APBA1: variants seen among roughly 807,000 people sequenced by gnomAD.
APBA1 encodes amyloid beta precursor protein binding family A member 1.
In APBA1, 55 loss-of-function variants were observed where a neutral mutation model predicts 86.6. That is an observed-to-expected ratio of 0.64 (90% CI 0.51 to 0.80). The LOEUF is 0.80. APBA1 is among the 30% of genes least tolerant of loss of function. APBA1 has a pLI of 0.00. For synonymous variants in APBA1, 511 were observed against 493.9 expected (o/e 1.03, Z -0.46); for missense variants, 1,090 against 1,183.0 (o/e 0.92, Z 1.15).
intron 10 of APBA1, among the ~76,000 whole-genome samples, chr9:69,445,549 GCAGAA>G (rs886722936): frequency 5.3e-5 from 8 of 152,242 alleles, no homozygotes; most frequent in Non-Finnish European, 7.3e-5. Context: ...CAACGGGAGA[GCAGAA>G]CCATGATGCT....
intron 1 of APBA1, among the ~76,000 whole-genome samples, chr9:69,578,158 G>T (rs1389433625): frequency 1.3e-5 from 2 of 152,214 alleles, no homozygotes; most frequent in Non-Finnish European, 2.9e-5. Context: ...AGCTGTAGTG[G>T]CAAGGGAGCC....
intron 1 of APBA1, among the ~76,000 whole-genome samples, chr9:69,653,215 G>T (rs1823542774): frequency 6.6e-6 from 1 of 151,822 alleles, no homozygotes. Flanking sequence ...ACAAAAAAAA[G>T]GCCATTATAT....
At chr9:69,664,576 TGGAA>T (rs1373896739) in intron 1 of APBA1, among the ~76,000 whole-genome samples, 6 of 152,208 alleles carry the variant, frequency 3.9e-5, no homozygotes, top group Non-Finnish European at 8.8e-5. Flanking sequence ...AATGTGAGAA[TGGAA>T]GGATGTCATA....
At chr9:69,646,433 C>T (rs1478117226) in intron 1 of APBA1, among the ~76,000 whole-genome samples, 5 of 152,166 alleles carry the variant, frequency 3.3e-5, no homozygotes, top group African/African-American at 1.2e-4. Context: ...ATTTTAGGAG[C>T]AACTTCCTTG....
chr9:69,663,611 A>C (rs181719539), intron 1 of APBA1, among the ~76,000 whole-genome samples: 130 of 152,376 alleles, frequency 8.5e-4, no homozygotes, highest in African/African-American at 3.0e-3. Flanking sequence ...ATTTATCAAT[A>C]GTCAGAAACA....
At chr9:69,559,546 C>T (rs1410820503) in intron 1 of APBA1, among the ~76,000 whole-genome samples, 1 of 152,072 alleles carries the variant, frequency 6.6e-6, no homozygotes, top group African/African-American at 2.4e-5. Context: ...TCACTTTTTT[C>T]TTTCCTATCA....
intron 1 of APBA1, among the ~76,000 whole-genome samples, chr9:69,546,398 A>G (rs1419902687): frequency 6.6e-6 from 1 of 152,182 alleles, no homozygotes; most frequent in Non-Finnish European, 1.5e-5. Context: ...GTTCCCACTC[A>G]GGGACTCTGC....
chr9:69,475,028 G>A (rs1009652503), intron 3 of APBA1, among the ~76,000 whole-genome samples: 1 of 152,150 alleles, frequency 6.6e-6, no homozygotes, highest in African/African-American at 2.4e-5. Flanking sequence ...AGAGTGAGCT[G>A]AGCCCACACA....
At chr9:69,623,277 C>G (rs1488342843) in intron 1 of APBA1, among the ~76,000 whole-genome samples, 1 of 152,092 alleles carries the variant, frequency 6.6e-6, no homozygotes, top group Non-Finnish European at 1.5e-5. Context: ...AAGGGTGATT[C>G]TGCAGGTTCA....
At chr9:69,465,618 T>C (rs1470561990) in intron 5 of APBA1, 1 of 152,212 alleles carries the variant, frequency 6.6e-6, no homozygotes, top group Non-Finnish European at 1.5e-5. Flanking sequence ...CAAGCTTGGA[T>C]GGGCAGCTCC....
chr9:69,588,110 C>T (rs1009960370), intron 1 of APBA1, among the ~76,000 whole-genome samples: 1 of 151,616 alleles, frequency 6.6e-6, no homozygotes, highest in African/African-American at 2.4e-5. Context: ...GGGAAGACCT[C>T]TTTGTGGGAA....
chr9:69,543,771 C>G (rs1450531910), intron 1 of APBA1, among the ~76,000 whole-genome samples: 1 of 152,168 alleles, frequency 6.6e-6, no homozygotes, highest in African/African-American at 2.4e-5. Context: ...ATCATATGAC[C>G]TGTTCCAGAA....
intron 1 of APBA1, among the ~76,000 whole-genome samples, chr9:69,538,198 C>T (rs1836544203): frequency 6.6e-6 from 1 of 152,238 alleles, no homozygotes; most frequent in African/African-American, 2.4e-5. Context: ...GCAGGAAATT[C>T]TAAAATCAAT....
At chr9:69,432,461 G>C in intron 12 of APBA1, 75 bp downstream of exon 12, 1 of 1,378,556 alleles carries the variant, frequency 7.3e-7, no homozygotes, top group Non-Finnish European at 9.5e-7. Flanking sequence ...GTCTGCTCAG[G>C]GCCACGGTGA....
intron 3 of APBA1, among the ~76,000 whole-genome samples, chr9:69,474,711 T>G (rs767634205): frequency 6.6e-5 from 10 of 152,162 alleles, no homozygotes; most frequent in South Asian, 2.1e-4. Flanking sequence ...AATTCTAATG[T>G]TGGTGTCATT....
intron 2 of APBA1, among the ~76,000 whole-genome samples, chr9:69,477,234 C>T (rs1461333792): frequency 6.6e-6 from 1 of 151,592 alleles, no homozygotes; most frequent in African/African-American, 2.4e-5. Context: ...TAGGGAGTGC[C>T]AGACAGTGGG....
intron 1 of APBA1, among the ~76,000 whole-genome samples, chr9:69,642,594 G>T (rs1564100580): frequency 2.0e-5 from 3 of 152,044 alleles, no homozygotes; most frequent in African/African-American, 4.8e-5. Context: ...ACAGTGCCCA[G>T]ATACTTGGTC....
intron 1 of APBA1, among the ~76,000 whole-genome samples, chr9:69,598,390 A>C (rs1822276910): frequency 6.6e-6 from 1 of 152,136 alleles, no homozygotes; most frequent in African/African-American, 2.4e-5. Context: ...ATATGTAACT[A>C]ACCTGCACAA....
intron 1 of APBA1, among the ~76,000 whole-genome samples, chr9:69,573,189 G>T (rs777730278): frequency 3.9e-5 from 6 of 152,074 alleles, no homozygotes; most frequent in Admixed American, 6.6e-5. Context: ...AGAAGAAGAA[G>T]AATACAATTT....
Sources: gnomAD v4.1 joint callset for allele counts (sites outside exome capture counted in the v4.1 genomes callset) on GRCh38, gnomAD v4.1.1 for gene constraint, MANE v1.5 for transcripts, NCBI Gene and HGNC (gene_info 2026-07-23, HGNC 2026-07-21) for gene names.